KAT6B: variants seen among roughly 807,000 people sequenced by gnomAD.
The protein encoded by KAT6B is lysine acetyltransferase 6B.
Under a neutral mutation model 187.5 loss-of-function variants are expected in KAT6B, and 10 were observed. The ratio of observed to expected loss-of-function variants is 0.05; its 90% CI spans 0.03 to 0.09. The LOEUF is 0.09. Ranked by LOEUF, KAT6B falls within the 10% of genes least tolerant of loss-of-function variation. KAT6B has a pLI of 1.00. For missense variants in KAT6B, 1,952 were observed against 2,558.9 expected, an observed-to-expected ratio of 0.76 and a Z score of 5.12; for synonymous variants, 861 against 926.8, an observed-to-expected ratio of 0.93 and a Z score of 1.29.
At chr10:74,950,217 A>T (rs1840224260) in intron 3 of KAT6B, among the ~76,000 whole-genome samples, 1 of 152,216 alleles carries the variant, frequency 6.6e-6, no homozygotes, top group Non-Finnish European at 1.5e-5. Flanking sequence ...TGTCCAATTC[A>T]TGATGAAATT....
chr10:74,835,802 C>CT (rs989292002), intron 1 of KAT6B, among the ~76,000 whole-genome samples: 3 of 151,304 alleles, frequency 2.0e-5, no homozygotes, highest in East Asian at 1.9e-4. Context: ...TTTGTTATTT[C>CT]TTTTTTTTTA....
chr10:75,018,300 C>T lies in KAT6B; in HGVS notation c.2630-2282C>T, dbSNP rs182184305. ...ATCAGGGCTGATCACCCTGCTGCCACCTCCCCAGGACTCTTCCGTGACTAT... is the reference window on the plus strand; with the variant it reads ...ATCAGGGCTGATCACCCTGCTGCCATCTCCCCAGGACTCTTCCGTGACTAT... On this transcript the variant is annotated intron_variant, in intron 13 of 17. Coordinates refer to ENST00000287239, the MANE Select transcript of KAT6B (RefSeq NM_012330.4). Among the ~76,000 whole-genome samples the T allele has an allele frequency of 2.5e-3, 374 of 152,350 alleles. 1 individual carries two copies. Among genetic ancestry groups the T allele is most frequent in the African/African-American group, 8.6e-3 (359 of 41,572 alleles).
chr10:74,992,494 A>T (rs1040640715), intron 13 of KAT6B, among the ~76,000 whole-genome samples: 2 of 152,264 alleles, frequency 1.3e-5, no homozygotes, highest in Non-Finnish European at 2.9e-5. Context: ...AGCCAATTCT[A>T]TAATAAAGTG....
intron 11 of KAT6B, chr10:74,982,146 ATT>A (rs1432056519): frequency 5.8e-6 from 3 of 518,934 alleles, no homozygotes; most frequent in Non-Finnish European, 1.0e-5. Flanking sequence ...TCACATTAAC[ATT>A]TTTGTCTTCC....
At chr10:74,935,499 T>C (rs1849203854) in intron 3 of KAT6B, among the ~76,000 whole-genome samples, 1 of 152,232 alleles carries the variant, frequency 6.6e-6, no homozygotes, top group Non-Finnish European at 1.5e-5. Context: ...GAGATCTTGC[T>C]ATGTTGTTGC....
intron 9 of KAT6B, 129 bp downstream of exon 9, chr10:74,977,566 T>C (rs747588099): frequency 4.1e-5 from 48 of 1,167,746 alleles, no homozygotes; most frequent in Non-Finnish European, 5.6e-5. Flanking sequence ...GCCGTTATCA[T>C]GCCCATTTCT....
intron 3 of KAT6B, among the ~76,000 whole-genome samples, chr10:74,848,908 T>G (rs1842292340): frequency 6.6e-6 from 1 of 152,206 alleles, no homozygotes; most frequent in Admixed American, 6.5e-5. Context: ...GGATTTGCCT[T>G]GCATTGTGGG....
At chr10:74,988,881 G>T in intron 12 of KAT6B, 138 bp from the exon 13 acceptor site, 11 of 725,668 alleles carry the variant, frequency 1.5e-5, no homozygotes, top group Admixed American at 3.6e-5. Context: ...GATTAATATA[G>T]TAGGATTTTT....
intron 3 of KAT6B, among the ~76,000 whole-genome samples, chr10:74,858,282 A>ATTT (rs1842945879): frequency 1.4e-5 from 2 of 140,708 alleles, no homozygotes; most frequent in African/African-American, 6.1e-5. Flanking sequence ...TTGGATGGGC[A>ATTT]ATTTTTTTTT....
rs556454150 is a variant in KAT6B at position 74,977,130 on chromosome 10, T to G, written c.1994-186T>G. The G allele has an allele frequency of 8.3e-5, 43 of 515,484 alleles. No individual in the cohort carries two copies. In the East Asian group the frequency reaches 1.5e-3, roughly 17 times the overall value. The allele number at this position is 515,484 out of a possible 1,614,324, so 31.9% of individuals were successfully genotyped here. A position where few individuals can be genotyped will look rare whatever the true frequency, so the allele number is the denominator to read the frequency against. The stretch of plus-strand genomic sequence containing the variant: ...ACAGTGATAAATTCAAATAAAAATT[T>G]GAGTATAGCAGGGAAAGGATACTGC... On this transcript the variant is annotated intron_variant, in intron 8 of 17. Coordinates refer to ENST00000287239, the MANE Select transcript of KAT6B (RefSeq NM_012330.4).
intron 3 of KAT6B, among the ~76,000 whole-genome samples, chr10:74,892,390 T>A (rs1474224253): frequency 6.6e-6 from 1 of 152,146 alleles, no homozygotes; most frequent in Non-Finnish European, 1.5e-5. Context: ...CGACAGTTAG[T>A]AGTGGCACTA....
Position 74,972,628 on chromosome 10 carries a change from G to A in KAT6B, c.1050G>A (p.Lys350=). 2 of 1,613,248 alleles carry A rather than the reference G, an allele frequency of 1.2e-6. No homozygotes were observed. The highest frequency in any genetic ancestry group is 1.7e-6 in the Non-Finnish European group (2 of 1,179,430). The change falls in exon 7 of 18, where the codon AAG becomes AAA. Residue 350 remains lysine (K), a synonymous_variant. Coordinates refer to ENST00000287239, the MANE Select transcript of KAT6B (RefSeq NM_012330.4). ...KPIGRPKNKL[K]QRLLSVTSDE... ...TTGGACGACCGAAAAATAAATTAAAGCAACGATTGTTGTAGGTTGAGATCT... is the reference window on the plus strand; with the variant it reads ...TTGGACGACCGAAAAATAAATTAAAACAACGATTGTTGTAGGTTGAGATCT...
chr10:74,877,217 C>T (rs953701729), intron 3 of KAT6B, among the ~76,000 whole-genome samples: 1 of 152,172 alleles, frequency 6.6e-6, no homozygotes, highest in Admixed American at 6.5e-5. Context: ...CTGCCCACCT[C>T]CGTCTCCCAA....
intron 13 of KAT6B, among the ~76,000 whole-genome samples, chr10:75,004,842 C>T (rs903383993): frequency 3.3e-5 from 5 of 152,058 alleles, no homozygotes; most frequent in African/African-American, 9.7e-5. Context: ...GCTGGGATTA[C>T]AGGCACATGC....
chr10:74,881,351 G>T (rs932816982), intron 3 of KAT6B, among the ~76,000 whole-genome samples: 1 of 152,062 alleles, frequency 6.6e-6, no homozygotes, highest in African/African-American at 2.4e-5. Context: ...CTTTCACCTC[G>T]TCCATAAGGT....
chr10:74,999,730 A>T lies in KAT6B; in HGVS notation c.2629+10618A>T, dbSNP rs181255644. On this transcript the variant is annotated intron_variant, in intron 13 of 17. Coordinates refer to ENST00000287239, the MANE Select transcript of KAT6B (RefSeq NM_012330.4). Reference sequence around the variant, plus strand: ...AGACCCTATGGGGTAGGTTACTGTGACCATCTCTCTTCTGGGACGAGACAC... The same window carrying T: ...AGACCCTATGGGGTAGGTTACTGTGTCCATCTCTCTTCTGGGACGAGACAC... 2.0e-5 allele frequency among the ~76,000 whole-genome samples: 3 copies of T among 152,306 alleles called. No individual in the cohort carries two copies. In the East Asian group the frequency reaches 5.8e-4, roughly 29 times the overall value.
At chr10:74,848,649 A>C (rs563307462) in intron 3 of KAT6B, among the ~76,000 whole-genome samples, 6 of 152,160 alleles carry the variant, frequency 3.9e-5, no homozygotes, top group Non-Finnish European at 7.4e-5. Flanking sequence ...CAGGGAAGCC[A>C]AAAGATTGGA....
intron 3 of KAT6B, among the ~76,000 whole-genome samples, chr10:74,865,184 G>C (rs535259178): frequency 6.6e-6 from 1 of 152,208 alleles, no homozygotes; most frequent in African/African-American, 2.4e-5. Flanking sequence ...ACAAAAATGA[G>C]CTAGTTATTT....
At chr10:75,007,067 CAAAA>C (rs888030380) in intron 13 of KAT6B, among the ~76,000 whole-genome samples, 1 of 67,178 alleles carries the variant, frequency 1.5e-5, no homozygotes. Flanking sequence ...GACTCCATCT[CAAAA>C]AAAAAAAAAA....
Sources: gnomAD v4.1 joint callset for allele counts (sites outside exome capture counted in the v4.1 genomes callset) on GRCh38, gnomAD v4.1.1 for gene constraint, MANE v1.5 for transcripts, NCBI Gene and HGNC (gene_info 2026-07-23, HGNC 2026-07-21) for gene names.